Variants in CDYL observed in about 807,000 individuals in gnomAD.
CDYL encodes the protein chromodomain Y like.
Under a neutral mutation model 47.3 loss-of-function variants are expected in CDYL, and 8 were observed. The ratio of observed to expected loss-of-function variants is 0.17; its 90% CI spans 0.10 to 0.31. The LOEUF is 0.31. Ranked by LOEUF, CDYL falls within the 10% of genes least tolerant of loss-of-function variation. The pLI is 1.00. For synonymous variants in CDYL, 266 were observed against 265.0 expected, an observed-to-expected ratio of 1.00 and a Z score of -0.04; for missense variants, 471 against 701.4, an observed-to-expected ratio of 0.67 and a Z score of 3.71.
In CDYL at chr6:4,733,918, CTCGTG is replaced by C. The variant is rs369443771; in HGVS notation, c.104-841_104-837del. Among the ~76,000 whole-genome samples, 27 of 147,926 alleles carry C rather than the reference CTCGTG, an allele frequency of 1.8e-4. No homozygotes were observed. The East Asian group carries it at 4.5e-3, about 24-fold the overall frequency. On this transcript the variant is annotated intron_variant, in intron 2 of 8. Coordinates refer to the CDYL transcript ENST00000328908. ...CCAGGTTGGAGTGCAATGGCACAAT[CTCGTG>C]TCACTGCAACCTCTGCTTCCTGGGT...
intron 2 of CDYL, among the ~76,000 whole-genome samples, chr6:4,923,282 C>A (rs531316101): frequency 6.6e-6 from 1 of 152,318 alleles, no homozygotes; most frequent in African/African-American, 2.4e-5. Context: ...GTGAGGTCAA[C>A]TTTTTAGCTT....
intron 1 of CDYL, among the ~76,000 whole-genome samples, chr6:4,835,601 A>C (rs1459567532): frequency 6.6e-6 from 1 of 152,176 alleles, no homozygotes; most frequent in Admixed American, 6.5e-5. Flanking sequence ...GCTCTCTTCA[A>C]AGCTGTCAGA....
intron 3 of CDYL, among the ~76,000 whole-genome samples, chr6:4,760,873 TTC>T (rs1317750225): frequency 2.6e-5 from 4 of 151,678 alleles, no homozygotes. Context: ...TTTTCTGGGA[TTC>T]TCTCTCAACC....
At chr6:4,860,280 T>TCGTTA (rs1761126906) in intron 1 of CDYL, among the ~76,000 whole-genome samples, 1 of 152,032 alleles carries the variant, frequency 6.6e-6, no homozygotes, top group Non-Finnish European at 1.5e-5. Context: ...TGTTAACGTT[T>TCGTTA]CGTTACGTGT....
intron 1 of CDYL, among the ~76,000 whole-genome samples, chr6:4,785,304 C>A (rs571831912): frequency 3.3e-5 from 5 of 152,144 alleles, no homozygotes; most frequent in Non-Finnish European, 7.4e-5. Flanking sequence ...AACGTGTGAC[C>A]GTATAGTATA....
chr6:4,903,692 C>T (rs954648157), intron 2 of CDYL, among the ~76,000 whole-genome samples: 2 of 152,184 alleles, frequency 1.3e-5, no homozygotes, highest in Admixed American at 1.3e-4. Context: ...GTGTGCTCGG[C>T]CCCTGCAGCT....
chr6:4,776,832 G>GGCCGCCCCCCGCCC, intron 1 of CDYL, 25 bp downstream of exon 1: 5 of 922,218 alleles, frequency 5.4e-6, no homozygotes, highest in Non-Finnish European at 6.5e-6. Flanking sequence ...CCCGGCCTCG[G>GGCCGCCCCCCGCCC]GCCGCCCCCC....
chr6:4,706,800 T>C (rs1757054595), intron 1 of CDYL, among the ~76,000 whole-genome samples: 1 of 151,832 alleles, frequency 6.6e-6, no homozygotes, highest in African/African-American at 2.4e-5. Context: ...ATAAATAAAA[T>C]AAAACTACAA....
At chr6:4,859,431 A>T (rs1180976447) in intron 1 of CDYL, among the ~76,000 whole-genome samples, 1 of 152,104 alleles carries the variant, frequency 6.6e-6, no homozygotes, top group East Asian at 1.9e-4. Context: ...ACAGAAGAAG[A>T]AGTGGATGGA....
chr6:4,756,844 T>G (rs1345718300), intron 3 of CDYL, among the ~76,000 whole-genome samples: 1 of 152,182 alleles, frequency 6.6e-6, no homozygotes, highest in Non-Finnish European at 1.5e-5. Flanking sequence ...CTGTGTGAAT[T>G]CAGTCAAGTT....
intron 1 of CDYL, among the ~76,000 whole-genome samples, chr6:4,838,887 A>G (rs892999709): frequency 6.6e-6 from 1 of 152,058 alleles, no homozygotes; most frequent in African/African-American, 2.4e-5. Flanking sequence ...GGGTTTCACC[A>G]TGTTGGCCAG....
intron 1 of CDYL, among the ~76,000 whole-genome samples, chr6:4,798,456 T>G (rs1199250965): frequency 1.3e-5 from 2 of 152,246 alleles, no homozygotes; most frequent in African/African-American, 4.8e-5. Flanking sequence ...TTCTAAGTTA[T>G]CTGAGTTTCT....
intron 1 of CDYL, among the ~76,000 whole-genome samples, chr6:4,874,967 G>A (rs1206487318): frequency 1.1e-4 from 17 of 152,126 alleles, no homozygotes; most frequent in Non-Finnish European, 1.6e-4. Context: ...GGCTGATTCC[G>A]TTTCTGGTTC....
chr6:4,766,403 G>A (rs980147521), intron 3 of CDYL, among the ~76,000 whole-genome samples: 13 of 151,922 alleles, frequency 8.6e-5, no homozygotes, highest in African/African-American at 2.9e-4. Flanking sequence ...TAGAGACAGG[G>A]TTTCACCATG....
intron 3 of CDYL, among the ~76,000 whole-genome samples, chr6:4,735,499 C>T (rs758332098): frequency 2.2e-4 from 33 of 152,074 alleles, no homozygotes; most frequent in African/African-American, 6.5e-4. Context: ...CTCAGTGGCT[C>T]ATGGCTGTAA....
chr6:4,865,881 T>G (rs1761305672), intron 1 of CDYL, among the ~76,000 whole-genome samples: 1 of 152,226 alleles, frequency 6.6e-6, no homozygotes, highest in African/African-American at 2.4e-5. Flanking sequence ...ACTAGTAGAT[T>G]GATCAGAAAT....
intron 1 of CDYL, 149 bp from the exon 2 acceptor site, chr6:4,891,564 T>A: frequency 1.6e-6 from 1 of 640,920 alleles, no homozygotes. Context: ...ACAACCCAAA[T>A]GGCCTATTAC....
intron 1 of CDYL, among the ~76,000 whole-genome samples, chr6:4,801,356 G>T (rs1040328708): frequency 6.6e-6 from 1 of 151,956 alleles, no homozygotes; most frequent in South Asian, 2.1e-4. Context: ...CCAACATTTC[G>T]GCTCACTTGG....
chr6:4,912,461 T>TA lies in CDYL; in HGVS notation c.691+20083dup, dbSNP rs201230417. On this transcript the variant is annotated intron_variant, in intron 2 of 6. Transcript: ENST00000397588. ...TCAAAAGCAGGTAGCAAGGCGCACT[T>TA]ACAGTTGCTGACTGGCAGGGGCGGA... 5.5e-4 allele frequency among the ~76,000 whole-genome samples: 84 copies of TA among 152,350 alleles called. 1 individual carries two copies. The East Asian group carries it at 0.016, about 29-fold the overall frequency.
Sources: allele counts gnomAD v4.1 joint callset (sites outside exome capture counted in the v4.1 genomes callset), GRCh38; gene constraint gnomAD v4.1.1; transcripts MANE v1.5; gene names NCBI Gene and HGNC (gene_info 2026-07-23, HGNC 2026-07-21).